Variants in TRMT9B observed in about 807,000 individuals in gnomAD.
TRMT9B encodes the protein probable tRNA methyltransferase 9B.
TRMT9B carries 16 observed loss-of-function variants against 11.5 expected under a neutral mutation model. The ratio of observed to expected loss-of-function variants is 1.39; its 90% confidence interval spans 0.94 to 2.11. The LOEUF is 2.11. Ranked by LOEUF, TRMT9B falls within the 30% of genes most tolerant of loss-of-function variation. The pLI, the probability that TRMT9B is intolerant of heterozygous loss-of-function variation, is 0.00. For missense variants in TRMT9B, 941 were observed against 553.8 expected (o/e 1.70, Z -7.02); for synonymous variants, 274 against 192.4 (o/e 1.42, Z -3.51).
At chr8:12,987,138 G>A (rs554563636) in intron 1 of TRMT9B, among the ~76,000 whole-genome samples, 3 of 152,154 alleles carry the variant, frequency 2.0e-5, no homozygotes, top group Non-Finnish European at 4.4e-5. Flanking sequence ...GAACGCTAGG[G>A]TCAAATTATC....
At chr8:12,966,033 A>T (rs369833319) in intron 1 of TRMT9B, among the ~76,000 whole-genome samples, 1 of 151,306 alleles carries the variant, frequency 6.6e-6, no homozygotes, top group Non-Finnish European at 1.5e-5. Context: ...AAAAAAAAAG[A>T]AGCACTCCAT....
At chr8:12,967,376 C>T (rs1314915901) in intron 1 of TRMT9B, among the ~76,000 whole-genome samples, 1 of 152,182 alleles carries the variant, frequency 6.6e-6, no homozygotes, top group South Asian at 2.1e-4. Flanking sequence ...CTTTTCTGAA[C>T]TACTACTACA....
intron 1 of TRMT9B, among the ~76,000 whole-genome samples, chr8:12,976,101 G>GACCATGCCAAGAGT (rs1804404321): frequency 6.6e-6 from 1 of 152,216 alleles, no homozygotes; most frequent in African/African-American, 2.4e-5. Context: ...CCCCAGGGAA[G>GACCATGCCAAGAGT]CTCCACCATG....
intron 1 of TRMT9B, among the ~76,000 whole-genome samples, chr8:12,985,059 C>T (rs565347546): frequency 3.3e-5 from 5 of 151,900 alleles, no homozygotes; most frequent in Non-Finnish European, 5.9e-5. Context: ...GGGCTAATAT[C>T]CTACTCTTAG....
intron 1 of TRMT9B, among the ~76,000 whole-genome samples, chr8:12,989,672 A>AG (rs917197708): frequency 2.1e-4 from 32 of 152,216 alleles, no homozygotes; most frequent in African/African-American, 7.5e-4. Context: ...TCGACTGCCC[A>AG]GGTCAGAGCC....
At position 13,024,029 on chromosome 8, in the gene TRMT9B, T is replaced by G. The variant is rs1181043067; in HGVS notation, c.*1985T>G. On this transcript the variant is annotated 3_prime_UTR_variant, in exon 5 of 5. Coordinates refer to ENST00000524591, the MANE Select transcript of TRMT9B (RefSeq NM_020844.3). ...GAGTATAAATTAAAAATTAATTTGG[T>G]TTCTTCTATTTCTTTTTTTTTTTTT... 1 of 149,804 alleles carries G rather than the reference T, an allele frequency of 6.7e-6. No homozygotes were observed. The highest frequency in any genetic ancestry group is 2.3e-4 in the East Asian group (1 of 4,356). The allele number at this position is 149,804 out of a possible 1,614,324, so 9.3% of individuals were successfully genotyped here. A position where few individuals can be genotyped will look rare whatever the true frequency, so the allele number is the denominator to read the frequency against.
chr8:13,005,444 T>G (rs1378219413), intron 2 of TRMT9B, among the ~76,000 whole-genome samples: 1 of 152,216 alleles, frequency 6.6e-6, no homozygotes, highest in African/African-American at 2.4e-5. Flanking sequence ...TTGGATTGTT[T>G]GTAACATAAA....
intron 1 of TRMT9B, among the ~76,000 whole-genome samples, chr8:12,957,529 A>G (rs1050679632): frequency 6.6e-6 from 1 of 152,224 alleles, no homozygotes; most frequent in Non-Finnish European, 1.5e-5. Context: ...TGGTAATTCA[A>G]TGACTTAATA....
intron 1 of TRMT9B, among the ~76,000 whole-genome samples, chr8:12,955,011 G>A (rs895271332): frequency 2.6e-5 from 4 of 152,184 alleles, no homozygotes; most frequent in African/African-American, 9.7e-5. Context: ...CACATTGTGA[G>A]CAGTCATAAA....
intron 1 of TRMT9B, chr8:12,961,869 T>G (rs1390851297): frequency 6.6e-6 from 1 of 152,240 alleles, no homozygotes; most frequent in Non-Finnish European, 1.5e-5. Context: ...GCACCTTCAG[T>G]GCAGACATTT....
At chr8:12,995,763 C>G (rs1400958587) in intron 2 of TRMT9B, among the ~76,000 whole-genome samples, 13 of 151,976 alleles carry the variant, frequency 8.6e-5, no homozygotes, top group Non-Finnish European at 1.5e-5. Flanking sequence ...CCAATTAGAC[C>G]CAAGTCATTG....
intron 2 of TRMT9B, among the ~76,000 whole-genome samples, chr8:13,005,071 G>A (rs1480897042): frequency 1.4e-5 from 2 of 147,762 alleles, no homozygotes; most frequent in Admixed American, 6.8e-5. Flanking sequence ...GGGCGATACA[G>A]CGAGACTGCA....
intron 1 of TRMT9B, among the ~76,000 whole-genome samples, chr8:12,971,185 G>A (rs996324187): frequency 6.6e-6 from 1 of 152,032 alleles, no homozygotes; most frequent in African/African-American, 2.4e-5. Context: ...TCGTTTCCCT[G>A]CTGTATTATC....
intron 1 of TRMT9B, among the ~76,000 whole-genome samples, chr8:12,975,680 G>A (rs1360781779): frequency 6.6e-6 from 1 of 152,198 alleles, no homozygotes; most frequent in Non-Finnish European, 1.5e-5. Context: ...GGAGGTAGCA[G>A]TGAGCCGAGA....
At chr8:13,015,778 C>G (rs1009247475) in intron 4 of TRMT9B, among the ~76,000 whole-genome samples, 1 of 152,060 alleles carries the variant, frequency 6.6e-6, no homozygotes, top group Non-Finnish European at 1.5e-5. Context: ...CTGGCTAAGT[C>G]CTCTATTTTC....
chr8:12,966,990 C>G (rs1183468165), intron 1 of TRMT9B, among the ~76,000 whole-genome samples: 1 of 152,172 alleles, frequency 6.6e-6, no homozygotes, highest in Non-Finnish European at 1.5e-5. Context: ...TACTCTAGTA[C>G]TCACCTTCCT....
intron 1 of TRMT9B, chr8:12,970,086 T>G (rs950632568): frequency 2.0e-5 from 3 of 152,224 alleles, no homozygotes. Context: ...GTGACCTCAC[T>G]GTTGCTGAAT....
chr8:12,960,058 T>C (rs2128861876), intron 1 of TRMT9B: 1 of 152,310 alleles, frequency 6.6e-6, no homozygotes, highest in South Asian at 2.1e-4. Flanking sequence ...ATTGCAACTC[T>C]TCATTGGAAG....
chr8:12,996,275 A>G (rs1808318119), intron 2 of TRMT9B, among the ~76,000 whole-genome samples: 1 of 152,232 alleles, frequency 6.6e-6, no homozygotes, highest in Non-Finnish European at 1.5e-5. Flanking sequence ...TAAGGTAGGT[A>G]AAATGAATTT....
Sources: gnomAD v4.1 joint callset for allele counts (sites outside exome capture counted in the v4.1 genomes callset) on GRCh38, gnomAD v4.1.1 for gene constraint, MANE v1.5 for transcripts, NCBI Gene and HGNC (gene_info 2026-07-23, HGNC 2026-07-21) for gene names.